Variants in EPB42 observed in about 807,000 individuals in gnomAD.
The protein encoded by EPB42 is protein 4.2.
Under a neutral mutation model 76.9 loss-of-function variants are expected in EPB42, and 49 were observed. That is an observed-to-expected ratio of 0.64 (90% CI 0.51 to 0.81). The LOEUF (loss-of-function observed/expected upper bound fraction) is 0.81, where lower values mean the gene tolerates loss of function less well. EPB42 is among the 30% of genes least tolerant of loss of function. EPB42 has a pLI of 0.00. For synonymous variants in EPB42, 310 were observed against 338.4 expected (o/e 0.92, Z 0.92); for missense variants, 731 against 867.6 (o/e 0.84, Z 1.98).
At chr15:43,214,157 C>T (rs1358732052) in intron 3 of EPB42, among the ~76,000 whole-genome samples, 1 of 152,196 alleles carries the variant, frequency 6.6e-6, no homozygotes, top group Non-Finnish European at 1.5e-5. Flanking sequence ...CTTCAGGGAG[C>T]CCAAGGTTGA....
At chr15:43,215,025 C>A in intron 3 of EPB42, 70 bp downstream of exon 3, 2 of 1,377,228 alleles carry the variant, frequency 1.5e-6, no homozygotes, top group African/African-American at 1.4e-5. Context: ...GTGCTCCCTG[C>A]CAGAGCTGCA....
rs1402974694 is a variant in EPB42 at position 43,220,899 on chromosome 15, CT to C, written c.-75del. Reference sequence around the variant, plus strand: ...TCAAACTGTTGCTTCTGGGCTCCTTCTGGGCTTTCTGTCTTCCAGACAGAAA... The same window carrying C: ...TCAAACTGTTGCTTCTGGGCTCCTTCGGGCTTTCTGTCTTCCAGACAGAAA... On this transcript the variant is annotated 5_prime_UTR_variant, in exon 1 of 13. Transcript: ENST00000441366. 2.9e-6 allele frequency: 4 copies of C among 1,384,908 alleles called. No individual in the cohort carries two copies. In the East Asian group the frequency reaches 9.1e-5, roughly 32 times the overall value. 85.8% of individuals were successfully genotyped at this position (1,384,908 alleles called of 1,614,324 possible).
chr15:43,213,726 G>C (rs761202315), intron 3 of EPB42, among the ~76,000 whole-genome samples: 1 of 152,228 alleles, frequency 6.6e-6, no homozygotes, highest in Non-Finnish European at 1.5e-5. Flanking sequence ...CCCAGCCCAG[G>C]GGCCCTGCAT....
upstream of EPB42, among the ~76,000 whole-genome samples, chr15:43,224,647 TA>T (rs2042491626): frequency 6.6e-6 from 1 of 152,234 alleles, no homozygotes; most frequent in African/African-American, 2.4e-5. Flanking sequence ...AGAAACTACC[TA>T]AACATCCATG....
At chr15:43,217,845 T>TTAGA (rs772619951) in intron 1 of EPB42, among the ~76,000 whole-genome samples, 4 of 152,250 alleles carry the variant, frequency 2.6e-5, no homozygotes, top group Non-Finnish European at 4.4e-5. Context: ...TCTCTCTGAC[T>TTAGA]TAGAGCTGAA....
intron 7 of EPB42, 47 bp from the exon 8 acceptor site, chr15:43,208,380 C>T (rs1178537640): frequency 1.5e-5 from 24 of 1,585,142 alleles, no homozygotes; most frequent in Non-Finnish European, 1.9e-5. Flanking sequence ...AAAACGAGTG[C>T]TGAAGAGGTT....
chr15:43,220,582 AG>A (rs2042442622), intron 1 of EPB42: 1 of 803,346 alleles, frequency 1.2e-6, no homozygotes, highest in Non-Finnish European at 2.1e-6. Context: ...CGCCTCCACC[AG>A]CACCCATCAT....
chr15:43,221,048 A>C, upstream of EPB42: 1 of 545,194 alleles, frequency 1.8e-6, no homozygotes, highest in Non-Finnish European at 3.3e-6. Flanking sequence ...CTCCTGGACC[A>C]GTTACTGGGA....
intron 1 of EPB42, among the ~76,000 whole-genome samples, chr15:43,216,900 A>G (rs1313651972): frequency 6.6e-6 from 1 of 152,162 alleles, no homozygotes; most frequent in African/African-American, 2.4e-5. Context: ...ACTGAGTCCA[A>G]TTCTCTTGTT....
chr15:43,212,369 CAAAA>C (rs35031544), intron 3 of EPB42, among the ~76,000 whole-genome samples: 3 of 86,896 alleles, frequency 3.5e-5, no homozygotes, highest in Non-Finnish European at 2.4e-5. Context: ...AACTCCGTCT[CAAAA>C]AAAAAAAAAA....
intron 3 of EPB42, among the ~76,000 whole-genome samples, chr15:43,212,650 T>C (rs2042318817): frequency 6.6e-6 from 1 of 151,996 alleles, no homozygotes; most frequent in Non-Finnish European, 1.5e-5. Flanking sequence ...AGTCAGAACA[T>C]TGGATTTCTG....
intron 12 of EPB42, among the ~76,000 whole-genome samples, chr15:43,200,561 T>C (rs1596401856): frequency 6.6e-6 from 1 of 152,234 alleles, no homozygotes; most frequent in East Asian, 1.9e-4. Context: ...CATAAAAGGC[T>C]AACAAACATA....
In EPB42 at chr15:43,203,907, AT is replaced by A. The variant is rs1328456133; in HGVS notation, c.1619-633del. 2.6e-5 allele frequency among the ~76,000 whole-genome samples: 4 copies of A among 152,212 alleles called. No homozygotes were observed. The East Asian group carries it at 7.7e-4, about 29-fold the overall frequency. ...TGATGCATATAAAGCACTTAACACC[AT>A]TTTGGGCAAATAGTAAGTGCCTGAT... On this transcript the variant is annotated intron_variant, in intron 10 of 12. Coordinates refer to ENST00000441366, the MANE Select transcript of EPB42 (RefSeq NM_001114134.2).
chr15:43,222,569 G>GA (rs1468161249), upstream of EPB42, among the ~76,000 whole-genome samples: 1 of 152,132 alleles, frequency 6.6e-6, no homozygotes, highest in Non-Finnish European at 1.5e-5. Flanking sequence ...AAAACACCAA[G>GA]ATTGTTTTTT....
At chr15:43,217,186 G>C (rs962540317) in intron 1 of EPB42, among the ~76,000 whole-genome samples, 3 of 152,136 alleles carry the variant, frequency 2.0e-5, no homozygotes, top group Non-Finnish European at 4.4e-5. Context: ...TTGGATCATG[G>C]GGGCAGTTTC....
rs2042220558 is a variant in EPB42 at position 43,207,337 on chromosome 15, C to T, written c.1180G>A (p.Val394Met). Residue 394 changes from valine to methionine, a missense_variant, in exon 9 of 13, where the codon GTG (valine) becomes ATG (methionine). By Grantham distance (21) the Val-to-Met change is conservative (BLOSUM62 1). Coordinates refer to ENST00000441366, the MANE Select transcript of EPB42 (RefSeq NM_001114134.2). ...CCATCCTCACAGCACTTCCAGACCACACATGAGGCATTTATGGCAGCAAAA... is the reference window on the plus strand; with the variant it reads ...CCATCCTCACAGCACTTCCAGACCATACATGAGGCATTTATGGCAGCAAAA... ...DLFAAINASC[V>M]VWKCCEDGTL... 1 of 1,614,102 alleles carries T rather than the reference C, an allele frequency of 6.2e-7. No individual in the cohort carries two copies. The highest frequency in any genetic ancestry group is 8.5e-7 in the Non-Finnish European group (1 of 1,180,038).
intron 1 of EPB42, among the ~76,000 whole-genome samples, chr15:43,218,338 T>G (rs1438340445): frequency 6.6e-6 from 1 of 152,084 alleles, no homozygotes. Flanking sequence ...TAGAATTCAT[T>G]TGGATTCTTG....
At chr15:43,217,190 C>T (rs975210421) in intron 1 of EPB42, among the ~76,000 whole-genome samples, 1 of 152,222 alleles carries the variant, frequency 6.6e-6, no homozygotes, top group South Asian at 2.1e-4. Context: ...ATCATGGGGG[C>T]AGTTTCTAAT....
intron 3 of EPB42, among the ~76,000 whole-genome samples, chr15:43,213,415 G>A (rs533528838): frequency 2.6e-5 from 4 of 152,264 alleles, no homozygotes; most frequent in African/African-American, 7.2e-5. Context: ...CCAGATGAGC[G>A]GAGCCAATGA....
Sources: gnomAD v4.1 joint callset for allele counts (sites outside exome capture counted in the v4.1 genomes callset) on GRCh38, gnomAD v4.1.1 for gene constraint, MANE v1.5 for transcripts, NCBI Gene and HGNC (gene_info 2026-07-23, HGNC 2026-07-21) for gene names.